GPR158: variants seen among roughly 807,000 people sequenced by gnomAD.
The protein encoded by GPR158 is G protein-coupled receptor 158, also known as metabotropic glycine receptor.
A neutral mutation model predicts 78.2 loss-of-function variants in GPR158; 30 were observed. That is an observed-to-expected ratio of 0.38 (90% CI 0.29 to 0.52). GPR158 has a LOEUF of 0.52. GPR158 is among the 20% of genes least tolerant of loss of function. The pLI is 0.83. For missense variants in GPR158, 1,463 were observed against 1,523.5 expected, an observed-to-expected ratio of 0.96 and a Z score of 0.66; for synonymous variants, 581 against 591.1, an observed-to-expected ratio of 0.98 and a Z score of 0.25.
At chr10:25,469,185 CTT>C (rs756339383) in intron 5 of GPR158, among the ~76,000 whole-genome samples, 3 of 152,178 alleles carry the variant, frequency 2.0e-5, no homozygotes, top group Non-Finnish European at 2.9e-5. Flanking sequence ...TACACTCTCT[CTT>C]GGTGATCTCA....
At chr10:25,252,300 T>C (rs1170091603) in intron 2 of GPR158, among the ~76,000 whole-genome samples, 27 of 151,936 alleles carry the variant, frequency 1.8e-4, no homozygotes, top group Admixed American at 1.3e-4. Context: ...GTCTGAAGCC[T>C]TCTTCTCTCA....
At chr10:25,496,294 G>A (rs1199033743) in intron 5 of GPR158, among the ~76,000 whole-genome samples, 9 of 152,064 alleles carry the variant, frequency 5.9e-5, no homozygotes, top group Non-Finnish European at 1.2e-4. Context: ...ACTTCTGCAC[G>A]TCGACTATAC....
intron 5 of GPR158, among the ~76,000 whole-genome samples, chr10:25,536,949 C>T (rs1379981953): frequency 1.3e-5 from 2 of 152,218 alleles, no homozygotes; most frequent in East Asian, 1.9e-4. Context: ...ATCGTATGCA[C>T]GTGAAGATGT....
At chr10:25,444,551 TGGA>T (rs1386032898) in intron 4 of GPR158, among the ~76,000 whole-genome samples, 1 of 151,018 alleles carries the variant, frequency 6.6e-6, no homozygotes, top group Admixed American at 6.6e-5. Context: ...GTGGTGTGTG[TGGA>T]GGTATGTGCA....
intron 4 of GPR158, among the ~76,000 whole-genome samples, chr10:25,448,811 A>T (rs1835175527): frequency 6.6e-6 from 1 of 152,202 alleles, no homozygotes; most frequent in Admixed American, 6.5e-5. Context: ...CAATTCCAGA[A>T]GATTTTTCTT....
In GPR158 at chr10:25,403,496, C is replaced by T. The variant is rs60808921; in HGVS notation, c.1111+7483C>T. 5.4e-3 allele frequency among the ~76,000 whole-genome samples: 822 copies of T among 152,110 alleles called. 6 individuals are homozygous for T. Among genetic ancestry groups the T allele is most frequent in the African/African-American group, 0.019 (800 of 41,528 alleles). Reference sequence around the variant, plus strand: ...ATAGCTTTATACATTTTCCATTTGTCTTCAGGAAGTATTTGTTTTATCTGA... The same window carrying T: ...ATAGCTTTATACATTTTCCATTTGTTTTCAGGAAGTATTTGTTTTATCTGA... On this transcript the variant is annotated intron_variant, in intron 3 of 10. Transcript: ENST00000376351.
chr10:25,521,355 G>A (rs1002061963), intron 5 of GPR158, among the ~76,000 whole-genome samples: 10 of 152,170 alleles, frequency 6.6e-5, no homozygotes, highest in Admixed American at 1.3e-4. Context: ...GCTGTAGGCC[G>A]GAGCTGTTCC....
chr10:25,304,789 C>T (rs186446528), intron 2 of GPR158, among the ~76,000 whole-genome samples: 12 of 152,164 alleles, frequency 7.9e-5, no homozygotes, highest in South Asian at 2.1e-4. Context: ...TTTGGCATTG[C>T]GTCTGAGAAT....
In GPR158 at chr10:25,382,385, A is replaced by C. The variant is rs563376457; in HGVS notation, c.1009-13526A>C. The stretch of plus-strand genomic sequence containing the variant: ...GCCCTGTTTTGTGAGAGCTGGCTCC[A>C]TCGAACATAAGAACATTTCAAAAAT... On this transcript the variant is annotated intron_variant, in intron 2 of 10. Transcript: ENST00000376351. 3.3e-5 allele frequency among the ~76,000 whole-genome samples: 5 copies of C among 151,996 alleles called. No individual in the cohort carries two copies. The South Asian group carries it at 1.0e-3, about 32-fold the overall frequency.
At chr10:25,420,372 C>T (rs1426493007) in intron 4 of GPR158, among the ~76,000 whole-genome samples, 3 of 152,074 alleles carry the variant, frequency 2.0e-5, no homozygotes, top group East Asian at 1.9e-4. Context: ...AGACTGGCCT[C>T]GAACTCCTGT....
At chr10:25,255,434 G>A (rs575569478) in intron 2 of GPR158, among the ~76,000 whole-genome samples, 1 of 152,190 alleles carries the variant, frequency 6.6e-6, no homozygotes, top group Non-Finnish European at 1.5e-5. Context: ...AGCCTAGGCT[G>A]GATGACCTGA....
Position 25,276,297 on chromosome 10 carries a change from G to A in GPR158, c.1008+55140G>A, listed in dbSNP as rs2130748300. On this transcript the variant is annotated intron_variant, in intron 2 of 10. Transcript: ENST00000376351. ...CCACCCACATGCTGTTAGGTTCACT[G>A]GACTCTCTTTCTCTCTCTTGCTCAA... 2.0e-5 allele frequency among the ~76,000 whole-genome samples: 3 copies of A among 152,196 alleles called. 1 individual carries two copies. Among genetic ancestry groups the A allele is most frequent in the Admixed American group, 2.0e-4 (3 of 15,292 alleles).
At chr10:25,250,388 C>G (rs1481877853) in intron 2 of GPR158, among the ~76,000 whole-genome samples, 1 of 143,582 alleles carries the variant, frequency 7.0e-6, no homozygotes, top group Non-Finnish European at 1.5e-5. Flanking sequence ...TTTTCTAGTT[C>G]TTTTAATTGT....
intron 4 of GPR158, among the ~76,000 whole-genome samples, chr10:25,426,947 A>G (rs374298083): frequency 1.3e-5 from 2 of 150,958 alleles, no homozygotes; most frequent in Non-Finnish European, 3.0e-5. Flanking sequence ...CAATGATGCA[A>G]AGTCCTCTAG....
chr10:25,591,639 G>C lies in GPR158; in HGVS notation c.1892+2494G>C, dbSNP rs139063642. ...TGAAAAGGGAGAACTTCCATTGGTA[G>C]CAAGTGTGACACAGAAAGACTAACT... On this transcript the variant is annotated intron_variant, in intron 8 of 10. Coordinates refer to ENST00000376351, the MANE Select transcript of GPR158 (RefSeq NM_020752.3). Among the ~76,000 whole-genome samples, 5 of 152,248 alleles carry C rather than the reference G, an allele frequency of 3.3e-5. No homozygotes were observed. The South Asian group carries it at 1.0e-3, about 32-fold the overall frequency.
chr10:25,598,316 C>T lies in GPR158; in HGVS notation c.2690C>T (p.Ser897Leu), dbSNP rs769917280. Residue 897 changes from serine to leucine, a missense_variant, in exon 11 of 11, where the codon TCG becomes TTG. Coordinates refer to ENST00000376351, the MANE Select transcript of GPR158 (RefSeq NM_020752.3). ...AAGAAAACTGGGCACCCACGAACAT[C>T]GATGTTACAGAAGTCTCTCAGTGTC... ...SEKKTGHPRT[S>L]MLQKSLSVIA... is the part of the protein sequence containing the mutation. 5 of 1,614,050 alleles carry T rather than the reference C, an allele frequency of 3.1e-6. No individual in the cohort carries two copies. The highest frequency in any genetic ancestry group is 4.2e-6 in the Non-Finnish European group (5 of 1,180,022).
chr10:25,347,925 G>A (rs973195313), intron 2 of GPR158, among the ~76,000 whole-genome samples: 1 of 151,866 alleles, frequency 6.6e-6, no homozygotes. Flanking sequence ...CCATCATGTT[G>A]CCTCCACCAT....
chr10:25,249,801 T>C (rs1287385809), intron 2 of GPR158, among the ~76,000 whole-genome samples: 3 of 151,866 alleles, frequency 2.0e-5, no homozygotes, highest in African/African-American at 7.3e-5. Flanking sequence ...TGCCCGGCTT[T>C]GGTATCAGAA....
chr10:25,372,900 A>T (rs1310627916), intron 2 of GPR158, among the ~76,000 whole-genome samples: 1 of 151,832 alleles, frequency 6.6e-6, no homozygotes, highest in Non-Finnish European at 1.5e-5. Context: ...TACAAAGAAA[A>T]AAAGACCTAA....
Sources: allele counts gnomAD v4.1 joint callset (sites outside exome capture counted in the v4.1 genomes callset), GRCh38; gene constraint gnomAD v4.1.1; transcripts MANE v1.5; gene names NCBI Gene and HGNC (gene_info 2026-07-23, HGNC 2026-07-21).